Variants in FRMD4B observed in about 807,000 individuals in gnomAD.
FRMD4B encodes the protein FERM domain containing 4B, also known as FERM domain-containing protein 4B.
FRMD4B carries 74 observed loss-of-function variants against 141.5 expected under a neutral mutation model. The ratio of observed to expected loss-of-function variants is 0.52; its 90% CI spans 0.43 to 0.63. The LOEUF is 0.63. FRMD4B is among the 30% of genes least tolerant of loss of function. The pLI is 0.00. For missense variants in FRMD4B, 1,366 were observed against 1,253.4 expected (o/e 1.09, Z -1.36); for synonymous variants, 506 against 467.9 (o/e 1.08, Z -1.05).
At chr3:69,282,567 T>C (rs980064588) in intron 5 of FRMD4B, among the ~76,000 whole-genome samples, 1 of 152,240 alleles carries the variant, frequency 6.6e-6, no homozygotes, top group African/African-American at 2.4e-5. Context: ...AGAAATTGCT[T>C]GAAAGCTGCT....
chr3:69,237,338 T>G (rs1288199317), intron 7 of FRMD4B, among the ~76,000 whole-genome samples: 1 of 152,186 alleles, frequency 6.6e-6, no homozygotes, highest in Non-Finnish European at 1.5e-5. Context: ...AAACCTTTCT[T>G]GATTTAAACC....
intron 1 of FRMD4B, among the ~76,000 whole-genome samples, chr3:69,363,964 T>C (rs573009392): frequency 6.6e-6 from 1 of 152,292 alleles, no homozygotes; most frequent in South Asian, 2.1e-4. Context: ...AACACTATCA[T>C]TTTCTGTGTA....
chr3:69,268,447 G>A (rs1322230435), intron 5 of FRMD4B, among the ~76,000 whole-genome samples: 1 of 151,954 alleles, frequency 6.6e-6, no homozygotes, highest in Non-Finnish European at 1.5e-5. Context: ...CTCAACTTCT[G>A]TACTTACCCT....
chr3:69,215,717 G>A (rs1250460029), intron 11 of FRMD4B, among the ~76,000 whole-genome samples: 1 of 152,154 alleles, frequency 6.6e-6, no homozygotes. Context: ...GCATCATTGA[G>A]AGATCACTAG....
intron 11 of FRMD4B, among the ~76,000 whole-genome samples, chr3:69,212,080 C>T (rs1196792490): frequency 1.3e-5 from 2 of 151,286 alleles, no homozygotes; most frequent in African/African-American, 2.4e-5. Context: ...TAACATGGGC[C>T]GGGCATGGTG....
chr3:69,303,542 A>C (rs950006228), intron 3 of FRMD4B, among the ~76,000 whole-genome samples: 1 of 152,226 alleles, frequency 6.6e-6, no homozygotes, highest in African/African-American at 2.4e-5. Context: ...TTTGAGGTAA[A>C]AAACTAGGCC....
chr3:69,182,550 A>G, intron 20 of FRMD4B, 48 bp downstream of exon 20: 1 of 1,549,242 alleles, frequency 6.5e-7, no homozygotes, highest in Non-Finnish European at 8.7e-7. Context: ...ACAGAACCTC[A>G]AAGCAAAAAT....
At chr3:69,443,178 G>A (rs1349212347) in intron 1 of FRMD4B, among the ~76,000 whole-genome samples, 2 of 152,118 alleles carry the variant, frequency 1.3e-5, no homozygotes, top group African/African-American at 4.8e-5. Flanking sequence ...GAGAGGGGCT[G>A]GAGGTTGAGT....
chr3:69,219,686 T>C (rs902605407), intron 9 of FRMD4B, among the ~76,000 whole-genome samples: 2 of 152,094 alleles, frequency 1.3e-5, no homozygotes, highest in African/African-American at 4.8e-5. Context: ...GCTAAATGTA[T>C]GCCATAGTGA....
intron 1 of FRMD4B, among the ~76,000 whole-genome samples, chr3:69,501,803 G>T (rs928209588): frequency 1.2e-4 from 19 of 152,038 alleles, no homozygotes; most frequent in African/African-American, 3.9e-4. Flanking sequence ...GCCCAAAATC[G>T]CCTTAAGCTG....
intron 1 of FRMD4B, among the ~76,000 whole-genome samples, chr3:69,454,055 A>G (rs1705543504): frequency 6.6e-6 from 1 of 152,170 alleles, no homozygotes; most frequent in Admixed American, 6.5e-5. Context: ...GCCCAGGACA[A>G]TCAAATAAAT....
intron 1 of FRMD4B, chr3:69,323,010 G>T: frequency 1.0e-6 from 1 of 976,668 alleles, no homozygotes; most frequent in Non-Finnish European, 1.2e-6. Context: ...TAGGACTCCT[G>T]TACATCTCTT....
intron 1 of FRMD4B, among the ~76,000 whole-genome samples, chr3:69,370,634 T>C (rs1408164850): frequency 1.3e-5 from 2 of 152,264 alleles, no homozygotes; most frequent in East Asian, 3.8e-4. Flanking sequence ...TCAACATACA[T>C]GGCTTTTTCC....
intron 1 of FRMD4B, among the ~76,000 whole-genome samples, chr3:69,526,616 C>T (rs969436602): frequency 7.6e-4 from 116 of 152,228 alleles, no homozygotes; most frequent in African/African-American, 2.6e-3. Flanking sequence ...TTGTTAGGCT[C>T]CGGTGCCTCC....
chr3:69,244,241 G>C (rs556210521), intron 7 of FRMD4B, among the ~76,000 whole-genome samples: 23 of 152,248 alleles, frequency 1.5e-4, no homozygotes, highest in African/African-American at 5.5e-4. Flanking sequence ...CAGACAGCAT[G>C]CAAGAGAGAA....
At chr3:69,257,461 G>A (rs1236515680) in intron 5 of FRMD4B, among the ~76,000 whole-genome samples, 1 of 152,128 alleles carries the variant, frequency 6.6e-6, no homozygotes, top group African/African-American at 2.4e-5. Flanking sequence ...TCTGAGTTAT[G>A]TAAGTGATTG....
In FRMD4B at chr3:69,256,402, C is replaced by A. The variant is rs570452884; in HGVS notation, c.502-6303G>T. Among the ~76,000 whole-genome samples, 7 of 152,318 alleles carry A rather than the reference C, an allele frequency of 4.6e-5. No individual in the cohort carries two copies. The South Asian group carries it at 1.4e-3, about 32-fold the overall frequency. On this transcript the variant is annotated intron_variant, in intron 5 of 22. Coordinates refer to ENST00000398540, the MANE Select transcript of FRMD4B (RefSeq NM_015123.3). Reference sequence around the variant, plus strand: ...TGGCATAATTTCAGCTCACTGCAACCTCTGCTGCCCGGGTTCAAGTGATCC... The same window carrying A: ...TGGCATAATTTCAGCTCACTGCAACATCTGCTGCCCGGGTTCAAGTGATCC...
intron 1 of FRMD4B, among the ~76,000 whole-genome samples, chr3:69,499,337 C>T (rs1204382533): frequency 6.6e-6 from 1 of 152,078 alleles, no homozygotes; most frequent in Admixed American, 6.6e-5. Context: ...CCTGTGTGGA[C>T]AGTGGATTAG....
chr3:69,319,346 T>C (rs1200777083), intron 1 of FRMD4B, among the ~76,000 whole-genome samples: 4 of 152,210 alleles, frequency 2.6e-5, no homozygotes, highest in African/African-American at 4.8e-5. Flanking sequence ...CCCACAATTA[T>C]TGTAGTCCCC....
Sources: allele counts gnomAD v4.1 joint callset (sites outside exome capture counted in the v4.1 genomes callset), GRCh38; gene constraint gnomAD v4.1.1; transcripts MANE v1.5; gene names NCBI Gene and HGNC (gene_info 2026-07-23, HGNC 2026-07-21).